Variants in LPP observed in about 807,000 individuals in gnomAD.
LPP encodes the protein LIM domain containing preferred translocation partner in lipoma, also known as lipoma-preferred partner.
A neutral mutation model predicts 60.4 loss-of-function variants in LPP; 38 were observed. The observed-to-expected ratio is 0.63, with a 90% CI of 0.49 to 0.83. LPP has a LOEUF of 0.83. Ranked by LOEUF, LPP falls within the 40% of genes least tolerant of loss-of-function variation. The pLI is 0.00. For missense variants in LPP, 902 were observed against 783.6 expected (o/e 1.15, Z -1.80); for synonymous variants, 328 against 290.8 (o/e 1.13, Z -1.30).
At chr3:188,823,523 TAA>T (rs1206455655) in intron 9 of LPP, among the ~76,000 whole-genome samples, 1 of 152,088 alleles carries the variant, frequency 6.6e-6, no homozygotes, top group Non-Finnish European at 1.5e-5. Flanking sequence ...TAAATGATAA[TAA>T]AAAAAGAATA....
intron 1 of LPP, among the ~76,000 whole-genome samples, chr3:188,215,064 G>A (rs577406602): frequency 6.6e-6 from 1 of 152,288 alleles, no homozygotes; most frequent in East Asian, 1.9e-4. Flanking sequence ...CCAGCACTTT[G>A]AGAGGCCGAG....
At chr3:188,160,621 A>AGCAATTTCCAGACTCCTTAACCCTT (rs1179275059) in intron 1 of LPP, among the ~76,000 whole-genome samples, 1 of 152,202 alleles carries the variant, frequency 6.6e-6, no homozygotes, top group Admixed American at 6.5e-5. Context: ...TGTGCCATGA[A>AGCAATTTCCAGACTCCTTAACCCTT]GCAATTTCCA....
chr3:188,514,689 G>GC (rs1431639145), intron 5 of LPP, among the ~76,000 whole-genome samples: 1 of 152,090 alleles, frequency 6.6e-6, no homozygotes, highest in East Asian at 1.9e-4. Context: ...TGATCCTCCC[G>GC]CCTCAGCCTC....
At chr3:188,361,201 T>C (rs1370464603) in intron 3 of LPP, among the ~76,000 whole-genome samples, 1 of 152,198 alleles carries the variant, frequency 6.6e-6, no homozygotes, top group Non-Finnish European at 1.5e-5. Context: ...ATACTATAAT[T>C]TTTCTTCAAA....
chr3:188,765,833 C>T (rs927394728), intron 9 of LPP, among the ~76,000 whole-genome samples: 13 of 146,972 alleles, frequency 8.8e-5, no homozygotes, highest in South Asian at 2.1e-4. Context: ...TGCACCACCA[C>T]GTGCAACGTG....
chr3:188,407,790 T>G (rs368103313), intron 4 of LPP, among the ~76,000 whole-genome samples: 1,067 of 76,304 alleles, frequency 0.014, 29 homozygotes, highest in African/African-American at 0.041. Flanking sequence ...GTTTGTTTGT[T>G]TTTTTTTTTT....
chr3:188,461,109 GAA>G (rs1798867850), intron 4 of LPP, among the ~76,000 whole-genome samples: 1 of 152,164 alleles, frequency 6.6e-6, no homozygotes, highest in South Asian at 2.1e-4. Flanking sequence ...ATTCAGTACA[GAA>G]AAAGAGTTTC....
chr3:188,364,364 T>A (rs1770481007), intron 3 of LPP, among the ~76,000 whole-genome samples: 1 of 152,232 alleles, frequency 6.6e-6, no homozygotes, highest in South Asian at 2.1e-4. Flanking sequence ...TACTTATTTA[T>A]ATACTTGCCT....
intron 3 of LPP, among the ~76,000 whole-genome samples, chr3:188,394,058 T>C (rs1167711915): frequency 1.3e-5 from 2 of 152,234 alleles, no homozygotes; most frequent in Non-Finnish European, 2.9e-5. Context: ...CCATTTATTT[T>C]GCTAAGGAAA....
At chr3:188,462,580 A>G (rs1265117016) in intron 4 of LPP, among the ~76,000 whole-genome samples, 9 of 52,398 alleles carry the variant, frequency 1.7e-4, no homozygotes, top group African/African-American at 4.6e-4. Context: ...ATATATATAT[A>G]TATATGCATG....
intron 2 of LPP, among the ~76,000 whole-genome samples, chr3:188,274,833 T>G (rs1739091695): frequency 6.6e-6 from 1 of 152,210 alleles, no homozygotes. Context: ...TGTCACTGTT[T>G]TGTAATAAGC....
intron 2 of LPP, among the ~76,000 whole-genome samples, chr3:188,282,241 C>T (rs1189248838): frequency 6.6e-6 from 1 of 152,004 alleles, no homozygotes; most frequent in Non-Finnish European, 1.5e-5. Context: ...ATTGTGGGTC[C>T]TTGAAACATC....
chr3:188,206,733 G>A (rs1733336827), intron 1 of LPP, among the ~76,000 whole-genome samples: 1 of 152,200 alleles, frequency 6.6e-6, no homozygotes, highest in Admixed American at 6.5e-5. Context: ...ATTGCAAGGG[G>A]TTGAGTTTGC....
chr3:188,262,076 A>G (rs1733849564), intron 2 of LPP, among the ~76,000 whole-genome samples: 1 of 152,200 alleles, frequency 6.6e-6, no homozygotes, highest in South Asian at 2.1e-4. Context: ...GGGTTGACGA[A>G]TGCATGGGAT....
At chr3:188,589,524 A>G (rs1031989265) in intron 6 of LPP, among the ~76,000 whole-genome samples, 1 of 152,250 alleles carries the variant, frequency 6.6e-6, no homozygotes, top group African/African-American at 2.4e-5. Context: ...TGTCATGCTC[A>G]TGTGGGTTAA....
intron 4 of LPP, among the ~76,000 whole-genome samples, chr3:188,408,808 A>G (rs368086199): frequency 1.3e-5 from 2 of 150,010 alleles, no homozygotes. Context: ...GACATTCTCT[A>G]TGATTTGCTT....
At chr3:188,874,116 ATTATATTTATGTCCAT>A (rs1322479538) in intron 11 of LPP, among the ~76,000 whole-genome samples, 2 of 152,064 alleles carry the variant, frequency 1.3e-5, no homozygotes, top group African/African-American at 2.4e-5. Context: ...GCTTAGGAGG[ATTATATTTATGTCCAT>A]TTATATTTAT....
chr3:188,324,058 T>C (rs894834405), intron 2 of LPP, among the ~76,000 whole-genome samples: 10 of 152,330 alleles, frequency 6.6e-5, no homozygotes, highest in Admixed American at 6.5e-4. Flanking sequence ...TTATTATCTA[T>C]AACTACAATA....
chr3:188,251,225 G>A, intron 2 of LPP, among the ~76,000 whole-genome samples: 1 of 150,676 alleles, frequency 6.6e-6, no homozygotes. Flanking sequence ...TCCCAGATTT[G>A]GTCAGTGGGA....
Sources: allele counts gnomAD v4.1 joint callset (sites outside exome capture counted in the v4.1 genomes callset), GRCh38; gene constraint gnomAD v4.1.1; transcripts MANE v1.5; gene names NCBI Gene and HGNC (gene_info 2026-07-23, HGNC 2026-07-21).